The following C10orf90 variants were observed in gnomAD, a reference collection of about 807,000 sequenced individuals.
C10orf90 encodes the protein chromosome 10 open reading frame 90, also known as (E2-independent) E3 ubiquitin-conjugating enzyme FATS.
In C10orf90, 56 loss-of-function variants were observed where a neutral mutation model predicts 62.5. The observed-to-expected ratio is 0.90, with a 90% CI of 0.72 to 1.12. C10orf90 has a LOEUF of 1.12. C10orf90 is among the 50% of genes most tolerant of loss of function. The probability of loss-of-function intolerance (pLI) is 0.00; values close to 1 mark genes in which losing one functional copy is unlikely to be tolerated. For synonymous variants in C10orf90, 386 were observed against 340.4 expected, an observed-to-expected ratio of 1.13 and a Z score of -1.47; for missense variants, 970 against 880.4, an observed-to-expected ratio of 1.10 and a Z score of -1.29.
At chr10:126,438,632 G>C (rs1418243306) in intron 7 of C10orf90, among the ~76,000 whole-genome samples, 1 of 152,096 alleles carries the variant, frequency 6.6e-6, no homozygotes, top group East Asian at 1.9e-4. Context: ...AAACCAAGAA[G>C]AAAAATGAGA....
intron 7 of C10orf90, among the ~76,000 whole-genome samples, chr10:126,440,785 G>A (rs568678642): frequency 6.2e-4 from 94 of 152,250 alleles, no homozygotes; most frequent in African/African-American, 2.2e-3. Context: ...ACCCAGAAGA[G>A]AGATAACAAT....
intron 4 of C10orf90, among the ~76,000 whole-genome samples, chr10:126,502,006 CACACACACACCAT>C (rs1190766025): frequency 8.0e-4 from 119 of 148,698 alleles, no homozygotes; most frequent in African/African-American, 2.6e-3. Context: ...ACACACACCA[CACACACACACCAT>C]ACACACACAC....
At chr10:126,597,289 A>C (rs1208832076) in intron 2 of C10orf90, among the ~76,000 whole-genome samples, 1 of 152,278 alleles carries the variant, frequency 6.6e-6, no homozygotes, top group Non-Finnish European at 1.5e-5. Context: ...TTGGTGGTAC[A>C]TCCATGTAAT....
At chr10:126,478,852 G>A (rs1861029826) in intron 4 of C10orf90, among the ~76,000 whole-genome samples, 1 of 152,170 alleles carries the variant, frequency 6.6e-6, no homozygotes, top group African/African-American at 2.4e-5. Context: ...ATATGGAGCT[G>A]CCTGCAGGAA....
At chr10:126,653,457 C>T (rs1846331016) in intron 1 of C10orf90, among the ~76,000 whole-genome samples, 1 of 152,196 alleles carries the variant, frequency 6.6e-6, no homozygotes, top group Non-Finnish European at 1.5e-5. Flanking sequence ...TTTCTTTGTT[C>T]CTTCATAAGA....
At chr10:126,565,355 T>A (rs1471748287) in intron 2 of C10orf90, among the ~76,000 whole-genome samples, 1 of 73,170 alleles carries the variant, frequency 1.4e-5, no homozygotes, top group Non-Finnish European at 2.5e-5. Context: ...ATATAATATA[T>A]AATATATATT....
intron 4 of C10orf90, among the ~76,000 whole-genome samples, chr10:126,479,726 G>A (rs922739996): frequency 6.6e-6 from 1 of 152,210 alleles, no homozygotes; most frequent in African/African-American, 2.4e-5. Flanking sequence ...TGAACTGAAG[G>A]CATTTCATTT....
chr10:126,564,366 G>A (rs1842776416), intron 2 of C10orf90, among the ~76,000 whole-genome samples: 1 of 151,932 alleles, frequency 6.6e-6, no homozygotes, highest in Non-Finnish European at 1.5e-5. Context: ...GGCAGCAGCA[G>A]CAAAGTCCCA....
At chr10:126,540,039 A>T (rs1434239965) in intron 2 of C10orf90, among the ~76,000 whole-genome samples, 1 of 152,236 alleles carries the variant, frequency 6.6e-6, no homozygotes, top group African/African-American at 2.4e-5. Context: ...GAATCAAAGC[A>T]GCCTCCAAGA....
At chr10:126,474,258 C>T (rs1431406496) in intron 4 of C10orf90, among the ~76,000 whole-genome samples, 3 of 152,166 alleles carry the variant, frequency 2.0e-5, no homozygotes, top group Non-Finnish European at 4.4e-5. Flanking sequence ...TCCATGACCA[C>T]GGGTGCTGAA....
At chr10:126,458,982 C>A (rs1859768692) in intron 7 of C10orf90, 58 bp downstream of exon 7, 2 of 1,544,444 alleles carry the variant, frequency 1.3e-6, no homozygotes, top group Non-Finnish European at 8.7e-7. Flanking sequence ...AAGCCTCCAG[C>A]TCCAGGAACC....
chr10:126,523,682 T>C, intron 2 of C10orf90: 1 of 152,284 alleles, frequency 6.6e-6, no homozygotes, highest in South Asian at 2.1e-4. Context: ...TCTCTAGAAC[T>C]CTTTAACCTG....
chr10:126,634,438 A>G (rs1028763629), intron 2 of C10orf90, among the ~76,000 whole-genome samples: 2 of 152,202 alleles, frequency 1.3e-5, no homozygotes, highest in Admixed American at 6.5e-5. Flanking sequence ...GAGTCAAAAA[A>G]CAGTGGTTAC....
intron 2 of C10orf90, among the ~76,000 whole-genome samples, chr10:126,632,044 T>C (rs1324039197): frequency 6.6e-6 from 1 of 151,870 alleles, no homozygotes; most frequent in African/African-American, 2.4e-5. Flanking sequence ...CTGGCGAAAC[T>C]CATAATGGAA....
intron 2 of C10orf90, among the ~76,000 whole-genome samples, chr10:126,555,952 C>T (rs1864761013): frequency 6.6e-6 from 1 of 152,164 alleles, no homozygotes; most frequent in South Asian, 2.1e-4. Context: ...ACACTTTAAC[C>T]TGCCATAAAT....
chr10:126,517,272 C>T lies in C10orf90; in HGVS notation c.314-3333G>A, dbSNP rs533572567. 3.5e-4 allele frequency among the ~76,000 whole-genome samples: 53 copies of T among 152,232 alleles called. No individual in the cohort carries two copies. The South Asian group carries it at 0.011, about 30-fold the overall frequency. The stretch of plus-strand genomic sequence containing the variant: ...TCAAAAGAAAGAAAAAGCCTATGAA[C>T]CACATGACTGCAACATTTAAAAAGT... On this transcript the variant is annotated intron_variant, in intron 2 of 9. Coordinates refer to ENST00000488181, the MANE Select transcript of C10orf90 (RefSeq NM_001350921.2).
chr10:126,490,396 G>T (rs1861704221), intron 4 of C10orf90, among the ~76,000 whole-genome samples: 1 of 151,618 alleles, frequency 6.6e-6, no homozygotes, highest in Non-Finnish European at 1.5e-5. Flanking sequence ...GGGAGTTAGT[G>T]TCTAATGGGA....
chr10:126,580,957 A>G (rs1394733725), intron 2 of C10orf90, among the ~76,000 whole-genome samples: 2 of 152,132 alleles, frequency 1.3e-5, no homozygotes, highest in Non-Finnish European at 2.9e-5. Flanking sequence ...TTTTTCCAAC[A>G]GTCATGACTG....
intron 7 of C10orf90, among the ~76,000 whole-genome samples, chr10:126,432,134 G>A (rs1857608411): frequency 6.6e-6 from 1 of 152,212 alleles, no homozygotes; most frequent in African/African-American, 2.4e-5. Flanking sequence ...TTCCTAGCCT[G>A]GAGGAAAGAG....
Sources: allele counts gnomAD v4.1 joint callset (sites outside exome capture counted in the v4.1 genomes callset), GRCh38; gene constraint gnomAD v4.1.1; transcripts MANE v1.5; gene names NCBI Gene and HGNC (gene_info 2026-07-23, HGNC 2026-07-21).